Variants in SYBU observed in about 807,000 individuals in gnomAD.
SYBU encodes the protein GOLSYN A protein.
In SYBU, 21 loss-of-function variants were observed where a neutral mutation model predicts 35.9. The observed-to-expected ratio is 0.58, with a 90% CI of 0.41 to 0.84. SYBU has a LOEUF of 0.84. SYBU is among the 40% of genes least tolerant of loss of function. The pLI is 0.00. For synonymous variants in SYBU, 319 were observed against 324.3 expected, an observed-to-expected ratio of 0.98 and a Z score of 0.18; for missense variants, 768 against 848.2, an observed-to-expected ratio of 0.91 and a Z score of 1.17.
In SYBU at chr8:109,584,175, C is replaced by G. The variant is rs1823361632; in HGVS notation, c.530+1885G>C. ...AACACTGCCATTTTCAATTTTCCAT[C>G]TATTAATTTTTGTTAAACCTTTGAA... On this transcript the variant is annotated intron_variant, in intron 4 of 6. Transcript: ENST00000276646. The surrounding 1 kb of genome is among the most constrained non-coding windows in gnomAD (Gnocchi z 4.0). Among the ~76,000 whole-genome samples the G allele has an allele frequency of 6.6e-6, 1 of 152,104 alleles. No individual in the cohort carries two copies. Among genetic ancestry groups the G allele is most frequent in the African/African-American group, 2.4e-5 (1 of 41,418 alleles).
At chr8:109,687,576 T>C (rs1441408713) in intron 1 of SYBU, among the ~76,000 whole-genome samples, 3 of 152,146 alleles carry the variant, frequency 2.0e-5, no homozygotes, top group African/African-American at 4.8e-5. Context: ...AAATGAAATA[T>C]TGGGCAATAT....
chr8:109,607,312 G>A (rs1374153559), intron 3 of SYBU, among the ~76,000 whole-genome samples: 1 of 152,178 alleles, frequency 6.6e-6, no homozygotes, highest in Non-Finnish European at 1.5e-5. Flanking sequence ...TCTACTGGAT[G>A]CCATGTGAGA....
chr8:109,598,914 G>T (rs962315706), intron 3 of SYBU, among the ~76,000 whole-genome samples: 1 of 152,290 alleles, frequency 6.6e-6, no homozygotes, highest in Admixed American at 6.5e-5. Flanking sequence ...TAGACAACAG[G>T]TAAGTTGCTG....
intron 2 of SYBU, among the ~76,000 whole-genome samples, chr8:109,625,135 T>TA (rs1563737117): frequency 0.011 from 1,639 of 150,212 alleles, 33 homozygotes; most frequent in African/African-American, 0.037. Flanking sequence ...TGTGCTTTTT[T>TA]TAAAAAAAAA....
chr8:109,662,452 C>T (rs574276860), intron 1 of SYBU, among the ~76,000 whole-genome samples: 23 of 152,278 alleles, frequency 1.5e-4, no homozygotes, highest in Non-Finnish European at 2.6e-4. Context: ...CTGCTCCTCT[C>T]AAAAACTACT....
intron 1 of SYBU, among the ~76,000 whole-genome samples, chr8:109,663,285 A>T (rs1816636951): frequency 6.6e-6 from 1 of 151,954 alleles, no homozygotes; most frequent in South Asian, 2.1e-4. Flanking sequence ...AGATAGATAG[A>T]TAGATAGATA....
chr8:109,681,220 T>A (rs1180010951), upstream of SYBU, among the ~76,000 whole-genome samples: 1 of 152,200 alleles, frequency 6.6e-6, no homozygotes, highest in Admixed American at 6.5e-5. Context: ...TGTTTTCACC[T>A]CTTCTCCTTG....
At chr8:109,637,276 G>C (rs915261256) in intron 2 of SYBU, among the ~76,000 whole-genome samples, 3 of 152,176 alleles carry the variant, frequency 2.0e-5, no homozygotes, top group Non-Finnish European at 4.4e-5. Context: ...TTCTCATAAA[G>C]ACAGGTGTTT....
Position 109,644,757 on chromosome 8 carries a change from G to T in SYBU, c.-98C>A, listed in dbSNP as rs1471851454. The stretch of plus-strand genomic sequence containing the variant: ...GAGGAGACTGCGCTGAGCCGGCGCG[G>T]GCTGCGGGCGGCGGCTCTTGGTGAG... On this transcript the variant is annotated 5_prime_UTR_variant, in exon 1 of 7. Transcript: ENST00000276646. The T allele has an allele frequency of 3.4e-6, 4 of 1,192,696 alleles. No individual in the cohort carries two copies. The East Asian group carries it at 1.3e-4, about 39-fold the overall frequency. The allele number at this position is 1,192,696 out of a possible 1,614,324, so 73.9% of individuals were successfully genotyped here. A position where few individuals can be genotyped will look rare whatever the true frequency, so the allele number is the denominator to read the frequency against.
chr8:109,671,366 G>C (rs573498242), intron 1 of SYBU, among the ~76,000 whole-genome samples: 42 of 152,162 alleles, frequency 2.8e-4, no homozygotes, highest in Non-Finnish European at 5.7e-4. Context: ...CACACATGGG[G>C]CATTTTCTCA....
At chr8:109,689,140 T>C (rs996430112) in intron 1 of SYBU, among the ~76,000 whole-genome samples, 6 of 151,978 alleles carry the variant, frequency 3.9e-5, no homozygotes, top group Admixed American at 2.6e-4. Context: ...GTAAAAACAG[T>C]TTCTTTATTT....
chr8:109,645,638 T>C (rs576071264), upstream of SYBU: 4 of 285,066 alleles, frequency 1.4e-5, no homozygotes, highest in African/African-American at 2.3e-5. Context: ...TTTTTGTTTT[T>C]TTTTTTTTCC....
At chr8:109,649,562 A>G (rs1195235805), upstream of SYBU, among the ~76,000 whole-genome samples, 1 of 152,156 alleles carries the variant, frequency 6.6e-6, no homozygotes, top group Non-Finnish European at 1.5e-5. Context: ...AATTAAGGGC[A>G]AGTCCAGGGG....
chr8:109,595,835 G>A (rs1824808639), intron 3 of SYBU, among the ~76,000 whole-genome samples: 1 of 152,204 alleles, frequency 6.6e-6, no homozygotes, highest in South Asian at 2.1e-4. Context: ...TTAGACACAG[G>A]TCCCAGTGGT....
chr8:109,644,655 CCCATCGCGCCGCT>C lies in SYBU; in HGVS notation c.-9_4del. ...CCTTACCTTGCTCTCGCGGAGGGGC[CCCATCGCGCCGCT>C]GCCCGCCGGCTCCTCGCGCCGCCGC... is the stretch of plus-strand genomic sequence containing the variant. On this transcript the variant is annotated start_lost and 5_prime_UTR_variant, in exon 1 of 7. Coordinates refer to ENST00000276646, the MANE Select transcript of SYBU (RefSeq NM_001099754.2). 1 of 1,525,936 alleles carries C rather than the reference CCCATCGCGCCGCT, an allele frequency of 6.6e-7. No homozygotes were observed. The highest frequency in any genetic ancestry group is 8.7e-7 in the Non-Finnish European group (1 of 1,143,810). 94.5% of individuals were successfully genotyped at this position (1,525,936 alleles called of 1,614,324 possible).
At chr8:109,639,526 G>A (rs1230069672) in intron 2 of SYBU, among the ~76,000 whole-genome samples, 1 of 152,100 alleles carries the variant, frequency 6.6e-6, no homozygotes, top group Non-Finnish European at 1.5e-5. Context: ...CCCTTAACTA[G>A]GCATGGCCCC....
intron 3 of SYBU, among the ~76,000 whole-genome samples, chr8:109,598,038 G>T (rs957425852): frequency 6.6e-5 from 10 of 152,174 alleles, no homozygotes; most frequent in Admixed American, 3.3e-4. Flanking sequence ...GTGACATTCT[G>T]TAAGATTAAA....
At chr8:109,635,344 T>C (rs1268327008) in intron 2 of SYBU, among the ~76,000 whole-genome samples, 1 of 152,252 alleles carries the variant, frequency 6.6e-6, no homozygotes, top group African/African-American at 2.4e-5. Flanking sequence ...CACCTGGGTC[T>C]CATGCTTTAT....
At chr8:109,576,515 T>C (rs1822337001) in intron 6 of SYBU, among the ~76,000 whole-genome samples, 1 of 152,232 alleles carries the variant, frequency 6.6e-6, no homozygotes, top group South Asian at 2.1e-4. Context: ...CAGTTCACTT[T>C]TAATTACCTA....
Sources: allele counts gnomAD v4.1 joint callset (sites outside exome capture counted in the v4.1 genomes callset), GRCh38; gene constraint gnomAD v4.1.1; non-coding constraint Gnocchi (gnomAD v3.1); transcripts MANE v1.5; gene names NCBI Gene and HGNC (gene_info 2026-07-23, HGNC 2026-07-21).